KCNC1: variants seen among roughly 807,000 people sequenced by gnomAD.
KCNC1 encodes potassium voltage-gated channel subfamily C member 1, also known as voltage-gated potassium channel KCNC1.
KCNC1 carries 8 observed loss-of-function variants against 43.4 expected under a neutral mutation model. That is an observed-to-expected ratio of 0.18 (90% CI 0.11 to 0.33). KCNC1 has a LOEUF of 0.33. Ranked by LOEUF, KCNC1 falls within the 10% of genes least tolerant of loss-of-function variation. The pLI is 1.00. For missense variants in KCNC1, 420 were observed against 836.0 expected (o/e 0.50, Z 6.14); for synonymous variants, 361 against 360.5 (o/e 1.00, Z -0.01).
chr11:17,766,188 T>G (rs780478533), intron 1 of KCNC1, among the ~76,000 whole-genome samples: 11 of 152,196 alleles, frequency 7.2e-5, no homozygotes, highest in Admixed American at 1.3e-4. Context: ...GCACGAGTGG[T>G]GCGTGTGTGC....
At chr11:17,770,689 A>C (rs1849215640) in intron 1 of KCNC1, among the ~76,000 whole-genome samples, 1 of 152,200 alleles carries the variant, frequency 6.6e-6, no homozygotes, top group African/African-American at 2.4e-5. Flanking sequence ...GGGCCAGAGC[A>C]GGTGGTTCTG....
chr11:17,765,626 G>T (rs55748057), intron 1 of KCNC1, among the ~76,000 whole-genome samples: 1 of 152,104 alleles, frequency 6.6e-6, no homozygotes, highest in Non-Finnish European at 1.5e-5. Context: ...ATTTGGTTTG[G>T]GGGGAGAAAA....
chr11:17,747,504 G>A (rs1848913619), intron 1 of KCNC1, among the ~76,000 whole-genome samples: 1 of 152,340 alleles, frequency 6.6e-6, no homozygotes. Context: ...TCATTGGAAT[G>A]TCTCCTCTTT....
intron 1 of KCNC1, among the ~76,000 whole-genome samples, chr11:17,745,631 C>A (rs1376457157): frequency 6.6e-6 from 1 of 152,122 alleles, no homozygotes; most frequent in Non-Finnish European, 1.5e-5. Flanking sequence ...TTGAGTGCCC[C>A]ACACCCAGCA....
At chr11:17,749,503 G>T (rs1157860593) in intron 1 of KCNC1, among the ~76,000 whole-genome samples, 2 of 152,182 alleles carry the variant, frequency 1.3e-5, no homozygotes, top group Non-Finnish European at 2.9e-5. Context: ...CATGACTTCC[G>T]TGGGCCTCAT....
Position 17,739,079 on chromosome 11 carries a change from C to T in KCNC1, c.570+2507C>T, listed in dbSNP as rs1319389586. 6.6e-6 allele frequency among the ~76,000 whole-genome samples: 1 copy of T among 152,204 alleles called. No homozygotes were observed. Among genetic ancestry groups the T allele is most frequent in the Admixed American group, 6.5e-5 (1 of 15,292 alleles). ...GCGCTGCCTCTCTGCGGCTCATCTG[C>T]GCACAGACCAGCCGCCTGCCCGCCC... On this transcript the variant is annotated intron_variant, in intron 1 of 3. Coordinates refer to ENST00000265969, the MANE Select transcript of KCNC1 (RefSeq NM_001112741.2). This position sits in a 1 kb window ranked among gnomAD's most constrained non-coding sequence, Gnocchi z 4.2.
intron 1 of KCNC1, among the ~76,000 whole-genome samples, chr11:17,761,814 G>A (rs985605810): frequency 3.9e-5 from 6 of 152,268 alleles, no homozygotes; most frequent in Middle Eastern, 3.4e-3. Context: ...GTTCCCACCC[G>A]TAACTACTAA....
chr11:17,779,347 A>C lies in KCNC1; in HGVS notation c.1505-109A>C. 4.5e-6 allele frequency: 4 copies of C among 882,008 alleles called. No homozygotes were observed. The highest frequency in any genetic ancestry group is 3.5e-5 in the Admixed American group (1 of 28,270). 54.6% of individuals were successfully genotyped at this position (882,008 alleles called of 1,614,324 possible). On this transcript the variant is annotated intron_variant, in intron 2 of 3. Transcript: ENST00000265969. This position sits in a 1 kb window ranked among gnomAD's most constrained non-coding sequence, Gnocchi z 7.2. ...ACAGCCTGCCCGCTTTTCCGTCCTC[A>C]GGGACGCTCAAGCTGCCCTCTGCCA... is the stretch of plus-strand genomic sequence containing the variant.
intron 1 of KCNC1, among the ~76,000 whole-genome samples, chr11:17,757,519 G>A (rs1349221437): frequency 6.6e-6 from 1 of 152,194 alleles, no homozygotes; most frequent in Non-Finnish European, 1.5e-5. Context: ...ATGGCCTCGT[G>A]AACTTCCCAT....
chr11:17,769,194 G>C (rs1199861272), intron 1 of KCNC1, among the ~76,000 whole-genome samples: 1 of 152,154 alleles, frequency 6.6e-6, no homozygotes, highest in Non-Finnish European at 1.5e-5. Flanking sequence ...ACTTGTCTCT[G>C]AATGTATCCT....
At chr11:17,767,152 C>T (rs183724300) in intron 1 of KCNC1, among the ~76,000 whole-genome samples, 38 of 148,696 alleles carry the variant, frequency 2.6e-4, no homozygotes, top group Admixed American at 5.4e-4. Context: ...AAAAATTAGC[C>T]GGCTGTGGTG....
intron 1 of KCNC1, among the ~76,000 whole-genome samples, chr11:17,770,523 T>C (rs958372260): frequency 1.1e-4 from 16 of 152,238 alleles, no homozygotes; most frequent in African/African-American, 3.9e-4. Context: ...TGCCCCAGAA[T>C]CCAGTCTGAG....
Position 17,776,198 on chromosome 11 carries a change from T to C in KCNC1, c.1505-3258T>C. On this transcript the variant is annotated intron_variant, in intron 2 of 3. Transcript: ENST00000265969. This position sits in a 1 kb window ranked among gnomAD's most constrained non-coding sequence, Gnocchi z 4.4. ...GTTGTTCACATTTTCTCTCTTTCTCTCTCTCTCCACTAATCATGTTTCTCT... is the reference window on the plus strand; with the variant it reads ...GTTGTTCACATTTTCTCTCTTTCTCCCTCTCTCCACTAATCATGTTTCTCT... 2.0e-6 allele frequency: 2 copies of C among 985,476 alleles called. No homozygotes were observed. Among genetic ancestry groups the C allele is most frequent in the Non-Finnish European group, 2.4e-6 (2 of 829,964 alleles). 61.0% of individuals were successfully genotyped at this position (985,476 alleles called of 1,614,324 possible).
At chr11:17,737,388 T>A (rs577399750) in intron 1 of KCNC1, among the ~76,000 whole-genome samples, 1 of 152,118 alleles carries the variant, frequency 6.6e-6, no homozygotes, top group East Asian at 1.9e-4. Flanking sequence ...AGGGGGAACC[T>A]GCAAGGAGAA....
At position 17,739,763 on chromosome 11, in the gene KCNC1, CTGTA is replaced by C. The variant is rs1366706409; in HGVS notation, c.570+3195_570+3198del. 1.3e-5 allele frequency among the ~76,000 whole-genome samples: 2 copies of C among 151,088 alleles called. No individual in the cohort carries two copies. The highest frequency in any genetic ancestry group is 2.1e-4 in the South Asian group (1 of 4,764). On this transcript the variant is annotated intron_variant, in intron 1 of 3. Coordinates refer to ENST00000265969, the MANE Select transcript of KCNC1 (RefSeq NM_001112741.2). This position sits in a 1 kb window ranked among gnomAD's most constrained non-coding sequence, Gnocchi z 4.2. ...GGTGGGGGTCCCTGTGTGTGACAGA[CTGTA>C]TGTGAAGGTGTGTGTAAGACAGAGA...
At chr11:17,757,064 A>G (rs1206032045) in intron 1 of KCNC1, among the ~76,000 whole-genome samples, 1 of 152,236 alleles carries the variant, frequency 6.6e-6, no homozygotes, top group African/African-American at 2.4e-5. Context: ...TTTAAAGATA[A>G]ATGAGATAAT....
intron 1 of KCNC1, among the ~76,000 whole-genome samples, chr11:17,752,480 T>C (rs80286007): frequency 0.11 from 17,001 of 152,296 alleles, 1,217 homozygotes; most frequent in Non-Finnish European, 0.16. Context: ...AAGCTCCACA[T>C]GCAAACATGC....
intron 1 of KCNC1, among the ~76,000 whole-genome samples, chr11:17,738,346 G>A (rs1175026061): frequency 6.7e-6 from 1 of 150,030 alleles, no homozygotes; most frequent in Non-Finnish European, 1.5e-5. Flanking sequence ...GGAGGAGGGG[G>A]ATGGGAGGTT....
chr11:17,777,297 G>A lies in KCNC1; in HGVS notation c.1505-2159G>A, dbSNP rs1265915084. 1 of 985,712 alleles carries A rather than the reference G, an allele frequency of 1.0e-6. No homozygotes were observed. The highest frequency in any genetic ancestry group is 1.2e-6 in the Non-Finnish European group (1 of 829,988). The allele number at this position is 985,712 out of a possible 1,614,324, so 61.1% of individuals were successfully genotyped here. A position where few individuals can be genotyped will look rare whatever the true frequency, so the allele number is the denominator to read the frequency against. ...CCCCAGGCAAGAACTGCAGGCTGTG[G>A]ACACCTCCCCTGGCAGAGGATGGCC... On this transcript the variant is annotated intron_variant, in intron 2 of 3. Coordinates refer to ENST00000265969, the MANE Select transcript of KCNC1 (RefSeq NM_001112741.2). The surrounding 1 kb of genome is among the most constrained non-coding windows in gnomAD (Gnocchi z 4.3).
Sources: gnomAD v4.1 joint callset for allele counts (sites outside exome capture counted in the v4.1 genomes callset) on GRCh38, gnomAD v4.1.1 for gene constraint, Gnocchi (gnomAD v3.1) non-coding constraint, MANE v1.5 for transcripts, NCBI Gene and HGNC (gene_info 2026-07-23, HGNC 2026-07-21) for gene names.